Variants in RAVER2 observed in about 807,000 individuals in gnomAD.
RAVER2 encodes the protein ribonucleoprotein, PTB binding 2, also known as ribonucleoprotein PTB-binding 2.
Under a neutral mutation model 78.1 loss-of-function variants are expected in RAVER2, and 46 were observed. The ratio of observed to expected loss-of-function variants is 0.59; its 90% CI spans 0.46 to 0.75. RAVER2 has a LOEUF of 0.75. RAVER2 is among the 30% of genes least tolerant of loss of function. RAVER2 has a pLI of 0.00. For missense variants in RAVER2, 793 were observed against 837.5 expected, an observed-to-expected ratio of 0.95 and a Z score of 0.66; for synonymous variants, 311 against 313.3, an observed-to-expected ratio of 0.99 and a Z score of 0.08.
intron 5 of RAVER2, among the ~76,000 whole-genome samples, chr1:64,792,275 G>T (rs1021818077): frequency 6.6e-6 from 1 of 152,108 alleles, no homozygotes; most frequent in Non-Finnish European, 1.5e-5. Flanking sequence ...GGTCTTCTGG[G>T]TTGTCCCAAA....
intron 1 of RAVER2, among the ~76,000 whole-genome samples, chr1:64,763,640 G>T (rs750078276): frequency 2.0e-5 from 3 of 152,016 alleles, no homozygotes; most frequent in Admixed American, 2.0e-4. Context: ...GGTGGCTCAC[G>T]CCTGTAATCC....
Position 64,812,804 on chromosome 1 carries a change from C to G in RAVER2, c.1747C>G (p.Pro583Ala), listed in dbSNP as rs370537469. Residue 583 changes from proline to alanine, a missense_variant, in exon 10 of 12, where the codon CCA becomes GCA. Physicochemically the swap from Pro to Ala is conservative, Grantham distance 27. Coordinates refer to ENST00000294428, the Ensembl canonical transcript of RAVER2. ...AAAAGAAATTCGGCTCAGTAAAAAT[C>G]CATACTTGAATTTGGCAAGTGTGTT... 3.7e-6 allele frequency: 6 copies of G among 1,611,756 alleles called. No homozygotes were observed. In the African/African-American group the frequency reaches 6.7e-5, roughly 18 times the overall value.
chr1:64,798,685 T>A (rs374217643), intron 5 of RAVER2, among the ~76,000 whole-genome samples: 1 of 152,200 alleles, frequency 6.6e-6, no homozygotes, highest in Admixed American at 6.5e-5. Flanking sequence ...CCCCAGGTGG[T>A]CATTAATTTA....
chr1:64,783,805 G>A (rs535939194), intron 4 of RAVER2, among the ~76,000 whole-genome samples: 6 of 152,144 alleles, frequency 3.9e-5, no homozygotes, highest in African/African-American at 1.4e-4. Context: ...AAAAGCAATG[G>A]CAACAAAAGC....
At chr1:64,783,670 AT>A (rs888894754) in intron 4 of RAVER2, among the ~76,000 whole-genome samples, 1 of 151,884 alleles carries the variant, frequency 6.6e-6, no homozygotes, top group African/African-American at 2.4e-5. Flanking sequence ...GACTGCAAAA[AT>A]TTTCTCCCAT....
intron 4 of RAVER2, among the ~76,000 whole-genome samples, chr1:64,788,322 A>G (rs1652839568): frequency 6.6e-6 from 1 of 151,544 alleles, no homozygotes; most frequent in East Asian, 1.9e-4. Flanking sequence ...AATACAAAAA[A>G]TTAGCCAGGT....
In RAVER2 at chr1:64,745,776, G is replaced by C. The variant is rs1362285594; in HGVS notation, c.249+355G>C. 2.0e-5 allele frequency among the ~76,000 whole-genome samples: 3 copies of C among 152,132 alleles called. No individual in the cohort carries two copies. Among genetic ancestry groups the C allele is most frequent in the South Asian group, 2.1e-4 (1 of 4,816 alleles). On this transcript the variant is annotated intron_variant, in intron 1 of 11. Coordinates refer to ENST00000294428, the Ensembl canonical transcript of RAVER2. This position sits in a 1 kb window ranked among gnomAD's most constrained non-coding sequence, Gnocchi z 4.3. ...GAGTTGTGGAGCACACATTTTGCGG[G>C]GGGGAGCGGGGGTAGAGGGGGCCGA...
At chr1:64,821,572 G>T (rs1447684538) in intron 11 of RAVER2, among the ~76,000 whole-genome samples, 1 of 152,150 alleles carries the variant, frequency 6.6e-6, no homozygotes, top group East Asian at 1.9e-4. Flanking sequence ...GTTGGAACAG[G>T]CACATAGACC....
chr1:64,816,285 T>C (rs191328037), intron 11 of RAVER2: 1 of 152,380 alleles, frequency 6.6e-6, no homozygotes, highest in East Asian at 1.9e-4. Flanking sequence ...TTTGCATTAC[T>C]GTATGTCTTC....
intron 11 of RAVER2, among the ~76,000 whole-genome samples, chr1:64,822,300 A>T (rs1653909175): frequency 6.6e-6 from 1 of 152,248 alleles, no homozygotes; most frequent in Non-Finnish European, 1.5e-5. Context: ...AAACAAACAA[A>T]GTACGAGAAC....
chr1:64,783,145 G>A (rs2100840869), intron 4 of RAVER2, among the ~76,000 whole-genome samples: 1 of 152,262 alleles, frequency 6.6e-6, no homozygotes, highest in South Asian at 2.1e-4. Context: ...GGACATTTGG[G>A]TTGGTTCCAA....
Position 64,745,359 on chromosome 1 carries a change from CG to C in RAVER2, c.190del (p.Glu64SerfsTer2). The C allele has an allele frequency of 6.5e-7, 1 of 1,543,038 alleles. No homozygotes were observed. The highest frequency in any genetic ancestry group is 8.7e-7 in the Non-Finnish European group (1 of 1,143,540). On this transcript the variant is annotated frameshift_variant, in exon 1 of 12. Transcript: ENST00000294428. LOFTEE classifies it high-confidence loss of function. This position sits in a 1 kb window ranked among gnomAD's most constrained non-coding sequence, Gnocchi z 4.3. ...CGCCGCGCGACTGCAGCGGATGCAG[CG>C]GGAGCTGAGCAACCGCAGGAAAATC...
In RAVER2 at chr1:64,766,412, G is replaced by A. The variant is rs570784702; in HGVS notation, c.250-2244G>A. ...CCAACTTACCAAGGCTCAAATTGAGGGATGACCCACTTTTGCCTGGGTCAA... is the reference window on the plus strand; with the variant it reads ...CCAACTTACCAAGGCTCAAATTGAGAGATGACCCACTTTTGCCTGGGTCAA... On this transcript the variant is annotated intron_variant, in intron 1 of 11. Coordinates refer to ENST00000294428, the Ensembl canonical transcript of RAVER2. Among the ~76,000 whole-genome samples, 7 of 152,198 alleles carry A rather than the reference G, an allele frequency of 4.6e-5. No homozygotes were observed. The East Asian group carries it at 5.8e-4, about 13-fold the overall frequency.
At chr1:64,806,588 A>G (rs891096133) in intron 8 of RAVER2, among the ~76,000 whole-genome samples, 7 of 152,240 alleles carry the variant, frequency 4.6e-5, no homozygotes, top group Non-Finnish European at 1.0e-4. Context: ...GTTGAAAAAA[A>G]GGGCTTGATT....
exon 3 of RAVER2, chr1:64,778,071 C>T: frequency 6.2e-7 from 1 of 1,609,574 alleles, no homozygotes; most frequent in Non-Finnish European, 8.5e-7. Context: ...TTTCCAGTGT[C>T]CATAAACCTG....
At chr1:64,799,096 C>G (rs1653184789) in intron 5 of RAVER2, among the ~76,000 whole-genome samples, 3 of 152,234 alleles carry the variant, frequency 2.0e-5, no homozygotes. Context: ...CTTCTCCCTT[C>G]TCTTCCCAGA....
chr1:64,788,450 C>T (rs1452455993), intron 4 of RAVER2, among the ~76,000 whole-genome samples: 1 of 148,986 alleles, frequency 6.7e-6, no homozygotes, highest in East Asian at 2.0e-4. Context: ...CCAGCCTGGG[C>T]AACAGAGTGA....
intron 2 of RAVER2, among the ~76,000 whole-genome samples, chr1:64,770,389 T>A (rs1391024315): frequency 6.6e-6 from 1 of 152,008 alleles, no homozygotes; most frequent in Non-Finnish European, 1.5e-5. Flanking sequence ...TCAAGACCAA[T>A]GATGCTCTTG....
At chr1:64,760,869 T>C (rs1652000399) in intron 1 of RAVER2, among the ~76,000 whole-genome samples, 1 of 152,126 alleles carries the variant, frequency 6.6e-6, no homozygotes, top group African/African-American at 2.4e-5. Context: ...TTTTATAGAT[T>C]TTGTTTTTGT....
Sources: gnomAD v4.1 joint callset for allele counts (sites outside exome capture counted in the v4.1 genomes callset) on GRCh38, gnomAD v4.1.1 for gene constraint, Gnocchi (gnomAD v3.1) non-coding constraint, MANE v1.5 for transcripts, NCBI Gene and HGNC (gene_info 2026-07-23, HGNC 2026-07-21) for gene names.